CRIM1: variants seen among roughly 807,000 people sequenced by gnomAD.
The protein encoded by CRIM1 is cysteine-rich motor neuron 1 protein.
Under a neutral mutation model 116.4 loss-of-function variants are expected in CRIM1, and 32 were observed. The observed-to-expected ratio is 0.27, with a 90% confidence interval of 0.21 to 0.37. The LOEUF is 0.37. Ranked by LOEUF, CRIM1 falls within the 10% of genes least tolerant of loss-of-function variation. CRIM1 has a pLI of 1.00. For synonymous variants in CRIM1, 590 were observed against 509.2 expected (o/e 1.16, Z -2.13); for missense variants, 1,331 against 1,354.8 (o/e 0.98, Z 0.28).
intron 2 of CRIM1, among the ~76,000 whole-genome samples, chr2:36,402,018 G>A (rs1672444510): frequency 6.6e-6 from 1 of 152,144 alleles, no homozygotes; most frequent in South Asian, 2.1e-4. Flanking sequence ...GAAGACAGAG[G>A]CTCCCAGCTC....
At chr2:36,526,644 C>G (rs1665776682) in intron 13 of CRIM1, among the ~76,000 whole-genome samples, 1 of 152,120 alleles carries the variant, frequency 6.6e-6, no homozygotes, top group Non-Finnish European at 1.5e-5. Flanking sequence ...CAACCTTGCT[C>G]TAATGTTCGT....
intron 13 of CRIM1, among the ~76,000 whole-genome samples, chr2:36,534,654 AAGGAAGGAAGGAAATAC>A (rs1330310395): frequency 5.3e-5 from 8 of 150,092 alleles, no homozygotes; most frequent in Non-Finnish European, 8.9e-5. Context: ...AAAGGAAGGG[AAGGAAGGAAGGAAATAC>A]AGGAAGGAAA....
chr2:36,411,620 G>A (rs1250157028), intron 2 of CRIM1, among the ~76,000 whole-genome samples: 3 of 151,778 alleles, frequency 2.0e-5, no homozygotes, highest in African/African-American at 7.3e-5. Flanking sequence ...TAGGTAATAT[G>A]TGGAAATAAG....
rs748998611 is a variant in CRIM1 at position 36,544,408 on chromosome 2, A to G, written c.2656A>G (p.Ile886Val). 1 of 1,424,444 alleles carries G rather than the reference A, an allele frequency of 7.0e-7. No individual in the cohort carries two copies. Among genetic ancestry groups the G allele is most frequent in the South Asian group, 1.8e-5 (1 of 54,638 alleles). 88.2% of individuals were successfully genotyped at this position (1,424,444 alleles called of 1,614,324 possible). A position where few individuals can be genotyped will look rare whatever the true frequency, so the allele number is the denominator to read the frequency against. Residue 886 changes from isoleucine (I) to valine (V), a missense_variant, in exon 15 of 17, where the codon ATT becomes GTT. Physicochemically the swap from Ile to Val is conservative, Grantham distance 29. Around this residue, in one of 3 missense-constraint regions of CRIM1, gnomAD observed 283 missense variants for 242.8 expected, o/e 1.17. Transcript: ENST00000280527. ...TGTCCCAGAACCAACCAATATACCC[A>G]TTGAGAAGACAAACCATCGAGGAGA... ...MYVPEPTNIP[I>V]EKTNHRGEVD...
intron 7 of CRIM1, among the ~76,000 whole-genome samples, chr2:36,487,974 A>G (rs1679955942): frequency 6.6e-6 from 1 of 152,192 alleles, no homozygotes; most frequent in Admixed American, 6.5e-5. Context: ...AAACAGGTCA[A>G]AATAGGTTGC....
chr2:36,505,217 T>G (rs148449543), intron 8 of CRIM1, among the ~76,000 whole-genome samples: 194 of 152,318 alleles, frequency 1.3e-3, no homozygotes, highest in African/African-American at 4.4e-3. Flanking sequence ...ATAATAGGTT[T>G]GTAGGAATTG....
intron 2 of CRIM1, among the ~76,000 whole-genome samples, chr2:36,416,143 G>A (rs999532896): frequency 6.6e-6 from 1 of 152,076 alleles, no homozygotes; most frequent in Non-Finnish European, 1.5e-5. Context: ...GGGAGGTGGA[G>A]GTTACAGTGA....
chr2:36,546,719 T>C (rs1667358351), intron 15 of CRIM1, among the ~76,000 whole-genome samples: 1 of 151,386 alleles, frequency 6.6e-6, no homozygotes, highest in Non-Finnish European at 1.5e-5. Flanking sequence ...CTTGATTAGC[T>C]AGAGCCGGCA....
chr2:36,455,562 T>C (rs906099613), intron 4 of CRIM1, among the ~76,000 whole-genome samples: 1 of 152,108 alleles, frequency 6.6e-6, no homozygotes, highest in African/African-American at 2.4e-5. Context: ...CTCTAAAGCG[T>C]TGGATAGGAG....
rs72865084 is a variant in CRIM1, at chr2:36,467,731, A to G, written c.991+3076A>G. Reference sequence around the variant, plus strand: ...ACGGGTATACAGTCCATCAGTGCCTATGCAGTTGTGGGAGTTAAATGTTAA... The same window carrying G: ...ACGGGTATACAGTCCATCAGTGCCTGTGCAGTTGTGGGAGTTAAATGTTAA... On this transcript the variant is annotated intron_variant, in intron 5 of 16. Transcript: ENST00000280527. Among the ~76,000 whole-genome samples the G allele has an allele frequency of 7.7e-3, 1,174 of 152,334 alleles. 22 individuals are homozygous for G. Among genetic ancestry groups the G allele is most frequent in the African/African-American group, 0.027 (1,118 of 41,568 alleles).
At chr2:36,528,982 A>T (rs919629253) in intron 13 of CRIM1, among the ~76,000 whole-genome samples, 1 of 152,154 alleles carries the variant, frequency 6.6e-6, no homozygotes, top group Non-Finnish European at 1.5e-5. Flanking sequence ...CAGAAATTCA[A>T]GTTGTTCTGG....
At chr2:36,543,456 C>T (rs1298236983) in intron 14 of CRIM1, among the ~76,000 whole-genome samples, 1 of 152,030 alleles carries the variant, frequency 6.6e-6, no homozygotes, top group Non-Finnish European at 1.5e-5. Flanking sequence ...CTAAATTAGG[C>T]TATGGTGAGT....
At chr2:36,545,616 T>C (rs1379859728) in intron 15 of CRIM1, among the ~76,000 whole-genome samples, 1 of 152,198 alleles carries the variant, frequency 6.6e-6, no homozygotes, top group Non-Finnish European at 1.5e-5. Flanking sequence ...GATAGTTGTT[T>C]CCGTTTTTGG....
chr2:36,528,325 A>G (rs1665893597), intron 13 of CRIM1, among the ~76,000 whole-genome samples: 1 of 152,186 alleles, frequency 6.6e-6, no homozygotes, highest in Admixed American at 6.5e-5. Context: ...GCCTGCTCCC[A>G]TCTTAAAAAG....
Position 36,396,643 on chromosome 2 carries a change from G to T in CRIM1, c.361G>T (p.Gly121Cys), listed in dbSNP as rs779166654. The T allele has an allele frequency of 6.2e-7, 1 of 1,607,468 alleles. No individual in the cohort carries two copies. Among genetic ancestry groups the T allele is most frequent in the East Asian group, 2.2e-5 (1 of 44,686 alleles). Residue 121 changes from glycine to cysteine, a missense_variant, in exon 2 of 17, where the codon GGT becomes TGT. This residue lies in a region of CRIM1 where 690 missense variants were observed against 676.0 expected (regional missense o/e 1.02). Transcript: ENST00000280527. ...DENWTDDQLL[G>C]FKPCNENLIA... is the part of the protein sequence containing the mutation. ...GAACTGGACTGATGACCAACTGCTT[G>T]GTTTTAAACCATGCAATGAAAACCT...
At chr2:36,422,758 C>G (rs1363617423) in intron 2 of CRIM1, among the ~76,000 whole-genome samples, 1 of 152,168 alleles carries the variant, frequency 6.6e-6, no homozygotes, top group Admixed American at 6.5e-5. Context: ...GCTATAACTC[C>G]CTAAATGCTT....
At chr2:36,393,266 G>A (rs1671757933) in intron 1 of CRIM1, among the ~76,000 whole-genome samples, 1 of 152,262 alleles carries the variant, frequency 6.6e-6, no homozygotes, top group Admixed American at 6.5e-5. Flanking sequence ...TCTTTGAAAT[G>A]TGTGCCTCAT....
intron 8 of CRIM1, among the ~76,000 whole-genome samples, chr2:36,504,567 CCAGGACATA>C (rs1464991023): frequency 1.3e-5 from 2 of 152,126 alleles, no homozygotes; most frequent in East Asian, 3.9e-4. Context: ...AAGTAGTACT[CCAGGACATA>C]CAGAAAGTTT....
intron 7 of CRIM1, 151 bp downstream of exon 7, chr2:36,479,845 C>A: frequency 1.4e-6 from 1 of 732,390 alleles, no homozygotes; most frequent in Non-Finnish European, 2.3e-6. Context: ...ACAGCTCAAA[C>A]TGATGATTTG....
Sources: allele counts gnomAD v4.1 joint callset (sites outside exome capture counted in the v4.1 genomes callset), GRCh38; gene constraint gnomAD v4.1.1; regional missense constraint gnomAD v4.1.1; transcripts MANE v1.5; gene names NCBI Gene and HGNC (gene_info 2026-07-23, HGNC 2026-07-21).